FAM200B: variants seen among roughly 807,000 people sequenced by gnomAD.
FAM200B encodes the protein protein FAM200B.
Under a neutral mutation model 33.1 loss-of-function variants are expected in FAM200B, and 32 were observed. The observed-to-expected ratio is 0.97, with a 90% confidence interval of 0.73 to 1.30. The LOEUF (loss-of-function observed/expected upper bound fraction) is 1.30. Among genes scored for constraint, FAM200B ranks in the 50% most tolerant of loss-of-function variants. The pLI, the probability that FAM200B is intolerant of heterozygous loss-of-function variation, is 0.00. For synonymous variants in FAM200B, 240 were observed against 264.8 expected, an observed-to-expected ratio of 0.91 and a Z score of 0.91; for missense variants, 741 against 754.0, an observed-to-expected ratio of 0.98 and a Z score of 0.20.
the FAM200B span, among the ~76,000 whole-genome samples, chr4:15,648,184 A>G: frequency 6.6e-6 from 1 of 152,236 alleles, no homozygotes; most frequent in Admixed American, 6.5e-5. Flanking sequence ...AAGTTAATAT[A>G]AAGAACACAG....
upstream of FAM200B, among the ~76,000 whole-genome samples, chr4:15,679,649 CACA>C (rs779925991): frequency 4.6e-5 from 7 of 151,454 alleles, no homozygotes; most frequent in South Asian, 4.2e-4. Flanking sequence ...CTTCTTATCA[CACA>C]ACAAGTTATT....
Position 15,689,208 on chromosome 4 carries a change from A to G in FAM200B, c.*257A>G. ...TCCCTAGTAGAGTTTATATCCTGGC[A>G]AGGAGAAATTGACAATAAACCTAAT... On this transcript the variant is annotated 3_prime_UTR_variant, in exon 2 of 2. Transcript: ENST00000422728. 1 of 319,664 alleles carries G rather than the reference A, an allele frequency of 3.1e-6. No homozygotes were observed. Among genetic ancestry groups the G allele is most frequent in the South Asian group, 1.4e-4 (1 of 6,986 alleles). 19.8% of individuals were successfully genotyped at this position (319,664 alleles called of 1,614,324 possible).
At chr4:15,647,240 A>AG in the FAM200B span, among the ~76,000 whole-genome samples, 55 of 133,714 alleles carry the variant, frequency 4.1e-4, no homozygotes, top group African/African-American at 1.0e-3. Context: ...AAAAAAAAAA[A>AG]AAAGAAAGAA....
At chr4:15,642,410 A>AT in the FAM200B span, among the ~76,000 whole-genome samples, 1 of 151,706 alleles carries the variant, frequency 6.6e-6, no homozygotes, top group Non-Finnish European at 1.5e-5. Context: ...TTTTTTTGGT[A>AT]TTTTTAGTAG....
Position 15,687,717 on chromosome 4 carries a change from A to G in FAM200B, c.740A>G (p.Tyr247Cys). Residue 247 changes from tyrosine to cysteine, a missense_variant, in exon 2 of 2, where the codon TAT becomes TGT. Coordinates refer to ENST00000422728, the MANE Select transcript of FAM200B (RefSeq NM_001145191.2). ...SCTTLLVYVR[Y>C]AWQDDFLEDF... is the part of the protein sequence containing the mutation. Reference sequence around the variant, plus strand: ...ACAACACTTTTAGTTTATGTCAGATATGCGTGGCAAGATGATTTTTTGGAG... The same window carrying G: ...ACAACACTTTTAGTTTATGTCAGATGTGCGTGGCAAGATGATTTTTTGGAG... 6.4e-7 allele frequency: 1 copy of G among 1,550,992 alleles called. No homozygotes were observed. Among genetic ancestry groups the G allele is most frequent in the African/African-American group, 1.4e-5 (1 of 73,150 alleles).
At chr4:15,682,952 A>T (rs180906582) in intron 1 of FAM200B, among the ~76,000 whole-genome samples, 1 of 152,336 alleles carries the variant, frequency 6.6e-6, no homozygotes, top group East Asian at 1.9e-4. Context: ...AGCTTAAAGG[A>T]TATTATCCTG....
rs1271481355 is a variant in FAM200B at position 15,688,231 on chromosome 4, T to C, written c.1254T>C (p.Ser418=). Residue 418 remains serine, a synonymous_variant, in exon 2 of 2, where the codon AGT becomes AGC. Coordinates refer to ENST00000422728, the MANE Select transcript of FAM200B (RefSeq NM_001145191.2). ...FLIEKKSHLA[S]IFEDDTWVTK... ...TTGAAAAAAAATCTCATTTGGCAAG[T>C]ATTTTTGAAGATGATACTTGGGTAA... is the stretch of plus-strand genomic sequence containing the variant. 18 of 1,550,596 alleles carry C rather than the reference T, an allele frequency of 1.2e-5. No individual in the cohort carries two copies. Among genetic ancestry groups the C allele is most frequent in the Non-Finnish European group, 1.5e-5 (17 of 1,146,354 alleles).
In FAM200B at chr4:15,688,808, T is replaced by C. The variant is rs1243982300; in HGVS notation, c.1831T>C (p.Cys611Arg). The change falls in exon 2 of 2, where the codon TGT (cysteine) becomes CGT (arginine). Residue 611 changes from cysteine (C) to arginine (R), a missense_variant. Cys to Arg is a radical substitution (Grantham distance 180). Transcript: ENST00000422728. ...LLLPFTTTSLCELGFSILTQL... is the reference protein window; with the variant it reads ...LLLPFTTTSLRELGFSILTQL... ...GCTACCATTCACAACAACTAGTTTG[T>C]GTGAACTAGGGTTTTCCATCTTAAC... 1.3e-6 allele frequency: 2 copies of C among 1,551,354 alleles called. No homozygotes were observed. Among genetic ancestry groups the C allele is most frequent in the Non-Finnish European group, 1.7e-6 (2 of 1,146,796 alleles).
At chr4:15,639,230 A>G in the FAM200B span, among the ~76,000 whole-genome samples, 1 of 152,198 alleles carries the variant, frequency 6.6e-6, no homozygotes, top group African/African-American at 2.4e-5. Context: ...AATCAATCCA[A>G]AACAATTTTA....
At chr4:15,661,640 T>C in the FAM200B span, among the ~76,000 whole-genome samples, 12 of 152,238 alleles carry the variant, frequency 7.9e-5, no homozygotes, top group Non-Finnish European at 1.6e-4. Context: ...GTCTTTTTTT[T>C]CTCTTTTTCT....
the FAM200B span, among the ~76,000 whole-genome samples, chr4:15,658,536 A>G: frequency 6.6e-6 from 1 of 152,134 alleles, no homozygotes; most frequent in Non-Finnish European, 1.5e-5. Flanking sequence ...GTGGCTTTAC[A>G]AGAGGAAGAA....
the FAM200B span, among the ~76,000 whole-genome samples, chr4:15,637,542 T>C: frequency 3.9e-5 from 6 of 152,154 alleles, no homozygotes; most frequent in Non-Finnish European, 7.4e-5. Flanking sequence ...TGCCAAATAT[T>C]TTAAATATAA....
At chr4:15,677,742 CAA>C (rs1718047828), upstream of FAM200B, among the ~76,000 whole-genome samples, 1 of 152,140 alleles carries the variant, frequency 6.6e-6, no homozygotes, top group African/African-American at 2.4e-5. Context: ...ATCCTTTACA[CAA>C]AAATTGTAGT....
chr4:15,648,700 T>C, the FAM200B span, among the ~76,000 whole-genome samples: 45 of 152,282 alleles, frequency 3.0e-4, no homozygotes, highest in African/African-American at 9.6e-4. Context: ...AAGGTGGTTG[T>C]TGGGGCAGGG....
the FAM200B span, among the ~76,000 whole-genome samples, chr4:15,650,702 C>T: frequency 8.7e-6 from 1 of 115,170 alleles, no homozygotes; most frequent in Non-Finnish European, 1.6e-5. Context: ...GAGTCTCACT[C>T]TGTCGCCCAG....
At chr4:15,644,463 G>T in the FAM200B span, 1 of 1,555,442 alleles carries the variant, frequency 6.4e-7, no homozygotes, top group South Asian at 1.1e-5. Flanking sequence ...CACAAGTTTT[G>T]ACAGTTGAAT....
chr4:15,656,232 G>A, the FAM200B span: 1 of 456,238 alleles, frequency 2.2e-6, no homozygotes. Context: ...CACTAACCCA[G>A]GAAAATGTCT....
chr4:15,644,400 A>G, the FAM200B span: 2 of 1,012,274 alleles, frequency 2.0e-6, no homozygotes, highest in Admixed American at 4.7e-5. Flanking sequence ...TCAACATTAC[A>G]TCATTTACTA....
At chr4:15,668,456 C>A in the FAM200B span, among the ~76,000 whole-genome samples, 1 of 125,112 alleles carries the variant, frequency 8.0e-6, no homozygotes, top group African/African-American at 2.6e-5. Context: ...AAATCACATT[C>A]TTTTATTTTT....
Sources: gnomAD v4.1 joint callset for allele counts (sites outside exome capture counted in the v4.1 genomes callset) on GRCh38, gnomAD v4.1.1 for gene constraint, MANE v1.5 for transcripts, NCBI Gene and HGNC (gene_info 2026-07-23, HGNC 2026-07-21) for gene names.